Variants in SLX4IP observed in about 807,000 individuals in gnomAD.
The protein encoded by SLX4IP is protein SLX4IP.
In SLX4IP, 34 loss-of-function variants were observed where a neutral mutation model predicts 32.9. The ratio of observed to expected loss-of-function variants is 1.03; its 90% CI spans 0.79 to 1.38. The LOEUF is 1.38. Ranked by LOEUF, SLX4IP falls within the 40% of genes most tolerant of loss-of-function variation. The pLI is 0.00. For synonymous variants in SLX4IP, 172 were observed against 171.7 expected (o/e 1.00, Z -0.01); for missense variants, 444 against 479.0 (o/e 0.93, Z 0.68).
At chr20:10,595,861 T>G (rs1187463449) in intron 4 of SLX4IP, among the ~76,000 whole-genome samples, 1 of 152,214 alleles carries the variant, frequency 6.6e-6, no homozygotes, top group East Asian at 1.9e-4. Context: ...GTGCAAATCT[T>G]TTTTACATGT....
At chr20:10,614,050 G>A (rs1568773117) in intron 6 of SLX4IP, 21 of 1,495,024 alleles carry the variant, frequency 1.4e-5, no homozygotes, top group South Asian at 1.3e-4. Flanking sequence ...TGGAAGCAGC[G>A]GGTGGCGTCC....
intron 4 of SLX4IP, among the ~76,000 whole-genome samples, chr20:10,571,032 G>C (rs550593241): frequency 6.6e-6 from 1 of 151,792 alleles, no homozygotes; most frequent in Admixed American, 6.6e-5. Flanking sequence ...GGAGTCTCAC[G>C]ATGTTGGCCA....
chr20:10,622,656 C>T lies in SLX4IP; in HGVS notation c.507-3C>T. On this transcript the variant is annotated splice_region_variant and splice_polypyrimidine_tract_variant and intron_variant, in intron 7 of 7. Coordinates refer to ENST00000334534, the MANE Select transcript of SLX4IP (RefSeq NM_001009608.3). ...ACCATAAAATCATTTTTGTTTGTTT[C>T]AGTGTGAAAAGAACTGAAACAAAAA... 6.3e-7 allele frequency: 1 copy of T among 1,598,168 alleles called. No homozygotes were observed.
At chr20:10,484,890 T>C (rs1417128460) in intron 2 of SLX4IP, among the ~76,000 whole-genome samples, 2 of 152,054 alleles carry the variant, frequency 1.3e-5, no homozygotes, top group Non-Finnish European at 2.9e-5. Flanking sequence ...GTGGTACCCA[T>C]GTGGGTACAC....
At chr20:10,472,947 A>G (rs1220458302) in intron 2 of SLX4IP, among the ~76,000 whole-genome samples, 2 of 152,184 alleles carry the variant, frequency 1.3e-5, no homozygotes, top group Non-Finnish European at 2.9e-5. Flanking sequence ...TTATTTTTCT[A>G]AGACCAGGAG....
chr20:10,609,332 C>G (rs2066940284), intron 6 of SLX4IP, among the ~76,000 whole-genome samples: 1 of 152,302 alleles, frequency 6.6e-6, no homozygotes, highest in Admixed American at 6.5e-5. Flanking sequence ...ACTCATTTTC[C>G]CAAGGATACA....
intron 2 of SLX4IP, among the ~76,000 whole-genome samples, chr20:10,496,682 T>C (rs1007462439): frequency 2.7e-5 from 4 of 149,010 alleles, no homozygotes; most frequent in African/African-American, 9.8e-5. Context: ...AAAAAAGGCG[T>C]GCTCACTGAG....
intron 4 of SLX4IP, among the ~76,000 whole-genome samples, chr20:10,563,632 G>A (rs376000886): frequency 2.0e-5 from 3 of 151,964 alleles, no homozygotes; most frequent in East Asian, 1.9e-4. Context: ...ATGGATATCC[G>A]GTTTTCCCAG....
At chr20:10,539,303 A>G (rs558410285) in intron 2 of SLX4IP, among the ~76,000 whole-genome samples, 3 of 152,336 alleles carry the variant, frequency 2.0e-5, no homozygotes, top group South Asian at 4.1e-4. Flanking sequence ...CTGCTCCTCA[A>G]ATAGTTGTAG....
At chr20:10,470,492 G>A (rs564478577) in intron 2 of SLX4IP, among the ~76,000 whole-genome samples, 3 of 152,326 alleles carry the variant, frequency 2.0e-5, no homozygotes, top group Admixed American at 1.3e-4. Context: ...GCCTCTATAT[G>A]TGTCACTTTG....
intron 6 of SLX4IP, among the ~76,000 whole-genome samples, chr20:10,620,824 G>T (rs1279478143): frequency 1.3e-5 from 2 of 152,158 alleles, no homozygotes; most frequent in East Asian, 1.9e-4. Context: ...CAAAGTGCTG[G>T]GATTACAGGC....
chr20:10,598,632 G>A (rs534847734), intron 4 of SLX4IP, 43 bp from the exon 5 acceptor site: 47 of 1,571,764 alleles, frequency 3.0e-5, no homozygotes, highest in South Asian at 8.9e-5. Context: ...GAGATTTAGC[G>A]GCAAACAAAC....
intron 2 of SLX4IP, among the ~76,000 whole-genome samples, chr20:10,552,749 C>T (rs1014863420): frequency 8.6e-5 from 13 of 151,934 alleles, no homozygotes; most frequent in African/African-American, 2.9e-4. Context: ...TTGGACCTTA[C>T]TATTAGGTTA....
At chr20:10,593,732 T>C (rs2066738317) in intron 4 of SLX4IP, among the ~76,000 whole-genome samples, 2 of 151,662 alleles carry the variant, frequency 1.3e-5, no homozygotes, top group African/African-American at 4.8e-5. Context: ...CAAGACCCTG[T>C]CAAAAAAAAA....
intron 4 of SLX4IP, among the ~76,000 whole-genome samples, chr20:10,567,450 G>A (rs1163145060): frequency 6.6e-6 from 1 of 152,126 alleles, no homozygotes; most frequent in Non-Finnish European, 1.5e-5. Flanking sequence ...TCCCTCTGGA[G>A]GACTCAGTGT....
intron 2 of SLX4IP, among the ~76,000 whole-genome samples, chr20:10,460,521 T>G (rs567996035): frequency 6.6e-6 from 1 of 152,318 alleles, no homozygotes; most frequent in South Asian, 2.1e-4. Context: ...ATTGTTGTCC[T>G]TTAGTTCTCA....
chr20:10,454,868 A>T (rs941792713), intron 1 of SLX4IP, among the ~76,000 whole-genome samples: 2 of 152,214 alleles, frequency 1.3e-5, no homozygotes, highest in South Asian at 2.1e-4. Context: ...CCATCAATGT[A>T]TGAGAGTTCC....
At chr20:10,461,771 C>T (rs1234179354) in intron 2 of SLX4IP, among the ~76,000 whole-genome samples, 1 of 152,076 alleles carries the variant, frequency 6.6e-6, no homozygotes, top group Non-Finnish European at 1.5e-5. Context: ...TTCCTTATTA[C>T]TTTGAGAGTG....
chr20:10,562,863 A>T (rs1167258639), intron 4 of SLX4IP, among the ~76,000 whole-genome samples: 1 of 152,194 alleles, frequency 6.6e-6, no homozygotes, highest in Non-Finnish European at 1.5e-5. Context: ...TGTGAGTAGC[A>T]CTGCAGTAAG....
Sources: gnomAD v4.1 joint callset for allele counts (sites outside exome capture counted in the v4.1 genomes callset) on GRCh38, gnomAD v4.1.1 for gene constraint, MANE v1.5 for transcripts, NCBI Gene and HGNC (gene_info 2026-07-23, HGNC 2026-07-21) for gene names.